Variants in C1QTNF3 observed in about 807,000 individuals in gnomAD.
C1QTNF3 encodes C1q and TNF related 3, also known as complement C1q tumor necrosis factor-related protein 3.
A neutral mutation model predicts 32.6 loss-of-function variants in C1QTNF3; 26 were observed. The ratio of observed to expected loss-of-function variants is 0.80; its 90% CI spans 0.58 to 1.11. The LOEUF (loss-of-function observed/expected upper bound fraction) is 1.11, where lower values mean the gene tolerates loss of function less well. Ranked by LOEUF, C1QTNF3 falls within the 50% of genes least tolerant of loss-of-function variation. C1QTNF3 has a pLI of 0.00. For missense variants in C1QTNF3, 362 were observed against 398.2 expected, an observed-to-expected ratio of 0.91 and a Z score of 0.77; for synonymous variants, 155 against 146.0, an observed-to-expected ratio of 1.06 and a Z score of -0.44.
intron 4 of C1QTNF3, among the ~76,000 whole-genome samples, chr5:34,027,348 C>T (rs892622839): frequency 6.6e-6 from 1 of 152,172 alleles, no homozygotes; most frequent in African/African-American, 2.4e-5. Flanking sequence ...TATGTTTATA[C>T]TGATAATATT....
At chr5:34,042,035 A>ATG (rs1383754027) in intron 1 of C1QTNF3, among the ~76,000 whole-genome samples, 1 of 150,350 alleles carries the variant, frequency 6.7e-6, no homozygotes. Context: ...AATTCAAAAT[A>ATG]TGTCTCTTCC....
rs941803194 is a variant in C1QTNF3 at position 34,020,516 on chromosome 5, C to T, written c.*67G>A. 135 of 1,549,920 alleles carry T rather than the reference C, an allele frequency of 8.7e-5. No homozygotes were observed. Among genetic ancestry groups the T allele is most frequent in the Non-Finnish European group, 1.1e-4 (124 of 1,136,912 alleles). ...ATGTAAAACCCTCAACTTTAATGTTCCTCAGATCGTAACAAATCAGCTCAG... is the reference window on the plus strand; with the variant it reads ...ATGTAAAACCCTCAACTTTAATGTTTCTCAGATCGTAACAAATCAGCTCAG... On this transcript the variant is annotated 3_prime_UTR_variant, in exon 6 of 6. Transcript: ENST00000382065.
chr5:34,039,808 A>G (rs995262959), intron 1 of C1QTNF3, among the ~76,000 whole-genome samples: 1 of 152,250 alleles, frequency 6.6e-6, no homozygotes, highest in African/African-American at 2.4e-5. Context: ...ATAATTTAGA[A>G]ACATTTTGTT....
the C1QTNF3 span, among the ~76,000 whole-genome samples, chr5:34,183,322 A>ATTTTTTTTTTTTTTT: frequency 1.0e-4 from 13 of 129,372 alleles, no homozygotes; most frequent in South Asian, 2.4e-4. Flanking sequence ...TAATTTTTTA[A>ATTTTTTTTTTTTTTT]TTTTCTTTTT....
At chr5:34,162,902 T>C in the C1QTNF3 span, among the ~76,000 whole-genome samples, 6 of 152,148 alleles carry the variant, frequency 3.9e-5, no homozygotes, top group African/African-American at 1.4e-4. Context: ...GCCTACCCTT[T>C]TCTTTGCAGC....
At chr5:34,044,302 T>C (rs890952), upstream of C1QTNF3, among the ~76,000 whole-genome samples, 99,260 of 152,072 alleles carry the variant, frequency 0.65, 33,112 homozygotes, top group East Asian at 0.87. Flanking sequence ...CATATGATTT[T>C]ATTTATATTA....
At chr5:34,118,281 G>T in the C1QTNF3 span, among the ~76,000 whole-genome samples, 2 of 152,150 alleles carry the variant, frequency 1.3e-5, no homozygotes, top group African/African-American at 4.8e-5. Context: ...GTTTCTGCAT[G>T]TTGGTCAGGC....
chr5:34,027,992 A>T (rs1384602992), intron 4 of C1QTNF3, among the ~76,000 whole-genome samples: 2 of 150,074 alleles, frequency 1.3e-5, no homozygotes, highest in East Asian at 3.9e-4. Context: ...TTTTTTTTTG[A>T]GACGGAGTCT....
chr5:34,201,057 T>G, the C1QTNF3 span: 2 of 152,116 alleles, frequency 1.3e-5, no homozygotes, highest in Non-Finnish European at 2.9e-5. Context: ...AACTCTTCTA[T>G]GTGGTGATGC....
chr5:34,042,713 A>G (rs990954680), intron 1 of C1QTNF3, 110 bp downstream of exon 1: 26 of 1,110,880 alleles, frequency 2.3e-5, no homozygotes, highest in African/African-American at 3.1e-5. Context: ...AACTTCTCGA[A>G]AGCATTCATT....
chr5:34,049,487 G>T, the C1QTNF3 span, among the ~76,000 whole-genome samples: 14 of 152,208 alleles, frequency 9.2e-5, no homozygotes, highest in Non-Finnish European at 2.1e-4. Context: ...TGAAGCAGAG[G>T]CAGCTCTGAC....
the C1QTNF3 span, among the ~76,000 whole-genome samples, chr5:34,232,970 C>CT: frequency 8.1e-6 from 1 of 123,604 alleles, no homozygotes; most frequent in African/African-American, 2.8e-5. Flanking sequence ...TAGCAAACTA[C>CT]TTTTACTGTA....
the C1QTNF3 span, among the ~76,000 whole-genome samples, chr5:34,159,881 T>G: frequency 1.3e-5 from 2 of 148,320 alleles, no homozygotes; most frequent in Non-Finnish European, 3.0e-5. Context: ...CAAAGTTCTG[T>G]GAGAAAGATT....
the C1QTNF3 span, among the ~76,000 whole-genome samples, chr5:34,064,672 C>T: frequency 2.0e-5 from 3 of 152,072 alleles, no homozygotes; most frequent in Non-Finnish European, 2.9e-5. Context: ...TCTGGGACGG[C>T]GGCAAACAGC....
At chr5:34,028,913 G>A in intron 3 of C1QTNF3, 30 bp from the exon 4 acceptor site, 4 of 1,593,492 alleles carry the variant, frequency 2.5e-6, no homozygotes, top group Non-Finnish European at 3.4e-6. Flanking sequence ...TCAATAAATA[G>A]GCAATTTATC....
chr5:34,052,010 C>A, the C1QTNF3 span, among the ~76,000 whole-genome samples: 3 of 152,150 alleles, frequency 2.0e-5, no homozygotes, highest in Non-Finnish European at 4.4e-5. Context: ...TGGTGGCAGG[C>A]GCCTGTAATC....
chr5:34,111,013 A>T, the C1QTNF3 span, among the ~76,000 whole-genome samples: 2 of 152,194 alleles, frequency 1.3e-5, no homozygotes, highest in Non-Finnish European at 2.9e-5. Context: ...CTTTTCTGGA[A>T]ATAATTATGA....
the C1QTNF3 span, among the ~76,000 whole-genome samples, chr5:34,226,517 T>C: frequency 8.8e-4 from 134 of 151,740 alleles, no homozygotes; most frequent in African/African-American, 3.2e-3. Context: ...TGTCACTAGA[T>C]CTAGAGGTCT....
At chr5:34,171,163 C>T in the C1QTNF3 span, among the ~76,000 whole-genome samples, 9 of 151,980 alleles carry the variant, frequency 5.9e-5, no homozygotes, top group East Asian at 1.7e-3. Flanking sequence ...TTATTATGGG[C>T]TTTGCTTGAC....
Sources: gnomAD v4.1 joint callset for allele counts (sites outside exome capture counted in the v4.1 genomes callset) on GRCh38, gnomAD v4.1.1 for gene constraint, MANE v1.5 for transcripts, NCBI Gene and HGNC (gene_info 2026-07-23, HGNC 2026-07-21) for gene names.